KMT2C: variants seen among roughly 807,000 people sequenced by gnomAD.
KMT2C encodes the protein lysine methyltransferase 2C, also known as histone-lysine N-methyltransferase 2C.
Under a neutral mutation model 507.9 loss-of-function variants are expected in KMT2C, and 88 were observed. The ratio of observed to expected loss-of-function variants is 0.17; its 90% CI spans 0.15 to 0.21. KMT2C has a LOEUF of 0.21. Ranked by LOEUF, KMT2C falls within the 10% of genes least tolerant of loss-of-function variation. The pLI, the probability that KMT2C is intolerant of heterozygous loss-of-function variation, is 1.00. For missense variants in KMT2C, 4,954 were observed against 5,957.8 expected (o/e 0.83, Z 5.55); for synonymous variants, 2,049 against 2,080.8 (o/e 0.98, Z 0.42).
intron 7 of KMT2C, among the ~76,000 whole-genome samples, chr7:152,270,159 G>T (rs993588598): frequency 1.3e-5 from 2 of 152,150 alleles, no homozygotes; most frequent in African/African-American, 4.8e-5. Context: ...CTATAAAAGA[G>T]AATCTCTGGG....
chr7:152,302,575 T>C (rs1336564405), intron 6 of KMT2C, among the ~76,000 whole-genome samples: 2 of 152,008 alleles, frequency 1.3e-5, no homozygotes, highest in African/African-American at 4.8e-5. Flanking sequence ...GGTTTATGGA[T>C]TACTTCTTTT....
intron 16 of KMT2C, among the ~76,000 whole-genome samples, chr7:152,233,436 G>C (rs1469935923): frequency 6.6e-6 from 1 of 151,928 alleles, no homozygotes; most frequent in Admixed American, 6.6e-5. Flanking sequence ...CTTCCAAGCA[G>C]GGACACGTAA....
At position 152,162,692 on chromosome 7, in the gene KMT2C, T is replaced by C. The variant is rs747550907; in HGVS notation, c.10885A>G (p.Ile3629Val). Residue 3629 changes from isoleucine (I) to valine (V), a missense_variant, in exon 43 of 59, where the codon ATA (isoleucine) becomes GTA (valine). By Grantham distance (29) the Ile-to-Val change is conservative. Around this residue, in one of 29 missense-constraint regions of KMT2C, gnomAD observed 801 missense variants for 751.2 expected, o/e 1.07. Coordinates refer to ENST00000262189, the MANE Select transcript of KMT2C (RefSeq NM_170606.3). Reference sequence around the variant, plus strand: ...ATGCCTGGAGTCGGTGGGGCAGTTATATCTGAATGGGGAGTTGATGGAGCC... The same window carrying C: ...ATGCCTGGAGTCGGTGGGGCAGTTACATCTGAATGGGGAGTTGATGGAGCC... ...TKAPSTPHSD[I>V]TAPPTPGISE... is the part of the protein sequence containing the mutation. 1.1e-5 allele frequency: 17 copies of C among 1,614,220 alleles called. No individual in the cohort carries two copies. In the South Asian group the frequency reaches 1.9e-4, roughly 18 times the overall value.
At chr7:152,405,261 C>CTTTT (rs5888467) in intron 1 of KMT2C, among the ~76,000 whole-genome samples, 10 of 151,976 alleles carry the variant, frequency 6.6e-5, no homozygotes, top group African/African-American at 4.8e-5. Context: ...TTTAACTTCA[C>CTTTT]TTTTTTTTTT....
At chr7:152,174,885 G>A (rs868483086) in intron 38 of KMT2C, among the ~76,000 whole-genome samples, 6 of 152,124 alleles carry the variant, frequency 3.9e-5, no homozygotes, top group Non-Finnish European at 7.4e-5. Context: ...TTAGAAACAA[G>A]TTAAAGAGGT....
intron 2 of KMT2C, among the ~76,000 whole-genome samples, chr7:152,344,718 T>A (rs992373309): frequency 6.6e-5 from 10 of 151,964 alleles, no homozygotes; most frequent in African/African-American, 2.4e-4. Context: ...CTGGGCATGG[T>A]GGCTCACGCC....
rs1176014085 is a variant in KMT2C at position 152,220,531 on chromosome 7, T to C, written c.3704A>G (p.Asp1235Gly). ...AAATAAATTAGTATTACCTCGACTA[T>C]CATCCATTTCACCATCCCTTGAATG... ...SEHSRDGEMD[D>G]SREGELMDCD... The change falls in exon 23 of 59, where the codon GAT (aspartate) becomes GGT (glycine). Residue 1235 changes from aspartate to glycine, a missense_variant. Around this residue, in one of 29 missense-constraint regions of KMT2C, gnomAD observed 176 missense variants for 262.0 expected, o/e 0.67. Transcript: ENST00000262189. The C allele has an allele frequency of 8.7e-6, 14 of 1,604,274 alleles. No individual in the cohort carries two copies. The highest frequency in any genetic ancestry group is 1.2e-5 in the Non-Finnish European group (14 of 1,172,728).
chr7:152,203,326 A>G (rs750325055), intron 25 of KMT2C, among the ~76,000 whole-genome samples: 5 of 151,806 alleles, frequency 3.3e-5, no homozygotes, highest in Admixed American at 1.3e-4. Context: ...ATATTTTGTT[A>G]AAGAGTAAAA....
At chr7:152,184,060 G>A (rs2093532932) in intron 34 of KMT2C, among the ~76,000 whole-genome samples, 2 of 119,564 alleles carry the variant, frequency 1.7e-5, no homozygotes, top group Non-Finnish European at 3.3e-5. Context: ...CAACAACTGT[G>A]AAGCTCCATC....
chr7:152,178,995 T>C (rs545214589), intron 37 of KMT2C, among the ~76,000 whole-genome samples: 1 of 152,186 alleles, frequency 6.6e-6, no homozygotes, highest in Non-Finnish European at 1.5e-5. Flanking sequence ...TTTATTATTA[T>C]TATTTTTTAA....
intron 1 of KMT2C, among the ~76,000 whole-genome samples, chr7:152,379,698 A>G (rs2097355397): frequency 6.6e-6 from 1 of 152,246 alleles, no homozygotes; most frequent in African/African-American, 2.4e-5. Flanking sequence ...TGCCACTGCA[A>G]TCCAGCCTGT....
At chr7:152,184,322 G>A (rs567831770) in intron 34 of KMT2C, among the ~76,000 whole-genome samples, 49 of 151,988 alleles carry the variant, frequency 3.2e-4, no homozygotes, top group African/African-American at 1.2e-3. Flanking sequence ...ATGTGCACTG[G>A]GGAACAAGCT....
At chr7:152,422,929 A>C (rs1292789547) in intron 1 of KMT2C, among the ~76,000 whole-genome samples, 2 of 151,626 alleles carry the variant, frequency 1.3e-5, no homozygotes, top group Admixed American at 6.6e-5. Flanking sequence ...AGGCAGGAGA[A>C]TGGCATGAAC....
At chr7:152,366,647 T>C (rs964691831) in intron 1 of KMT2C, 1 of 153,540 alleles carries the variant, frequency 6.5e-6, no homozygotes, top group African/African-American at 2.4e-5. Flanking sequence ...TTTAACAAGA[T>C]TTTTTAAAAA....
intron 2 of KMT2C, among the ~76,000 whole-genome samples, chr7:152,341,437 G>A (rs1030287732): frequency 2.6e-5 from 4 of 152,170 alleles, no homozygotes; most frequent in African/African-American, 9.7e-5. Context: ...CATCGAAGCA[G>A]TCAGTATTTC....
At chr7:152,201,293 GAC>G (rs3839689) in intron 26 of KMT2C, among the ~76,000 whole-genome samples, 19,461 of 136,544 alleles carry the variant, frequency 0.14, 1,424 homozygotes, top group African/African-American at 0.23. Context: ...TACAGACACA[GAC>G]ACACACACAC....
chr7:152,195,014 GT>G (rs2129130246), intron 28 of KMT2C, among the ~76,000 whole-genome samples: 1 of 152,156 alleles, frequency 6.6e-6, no homozygotes, highest in South Asian at 2.1e-4. Context: ...AATGCTCAGT[GT>G]TTAATATTAT....
Position 152,181,800 on chromosome 7 carries a change from T to C in KMT2C, c.6060A>G (p.Gln2020=), listed in dbSNP as rs373441978. The C allele has an allele frequency of 6.2e-7, 1 of 1,614,120 alleles. No individual in the cohort carries two copies. The highest frequency in any genetic ancestry group is 8.5e-7 in the Non-Finnish European group (1 of 1,180,010). ...GTCGTGCATATGAGTCAGGTATCCT[T>C]TGTCTTTGAAACACATCTGCCCTAG... is the stretch of plus-strand genomic sequence containing the variant. ...PSPRADVFQR[Q]RIPDSYARPL... The change falls in exon 36 of 59, where the codon CAA becomes CAG. Residue 2020 remains glutamine (Q), a synonymous_variant. Transcript: ENST00000262189.
At chr7:152,391,566 A>G (rs1270192161) in intron 1 of KMT2C, among the ~76,000 whole-genome samples, 2 of 90,646 alleles carry the variant, frequency 2.2e-5, no homozygotes, top group South Asian at 6.4e-4. Flanking sequence ...TTTTTTTTTG[A>G]CACAGAGTCT....
Sources: gnomAD v4.1 joint callset for allele counts (sites outside exome capture counted in the v4.1 genomes callset) on GRCh38, gnomAD v4.1.1 for gene constraint, gnomAD v4.1.1 regional missense constraint, MANE v1.5 for transcripts, NCBI Gene and HGNC (gene_info 2026-07-23, HGNC 2026-07-21) for gene names.